Variants in NLRP5 observed in about 807,000 individuals in gnomAD.
NLRP5 encodes NACHT, LRR and PYD domains-containing protein 5.
NLRP5 carries 93 observed loss-of-function variants against 113.1 expected under a neutral mutation model. The observed-to-expected ratio is 0.82, with a 90% CI of 0.70 to 0.98. The LOEUF is 0.98. NLRP5 is among the 50% of genes least tolerant of loss of function. The pLI is 0.00. For synonymous variants in NLRP5, 751 were observed against 600.7 expected (o/e 1.25, Z -3.66); for missense variants, 1,808 against 1,514.3 (o/e 1.19, Z -3.22).
Position 56,041,041 on chromosome 19 carries a change from A to T in NLRP5, c.2906A>T (p.Asn969Ile), listed in dbSNP as rs769649907. The change falls in exon 11 of 15, where the codon AAT becomes ATT. Residue 969 changes from asparagine to isoleucine, a missense_variant. By Grantham distance (149) the Asn-to-Ile change is moderately radical. Coordinates refer to ENST00000390649, the MANE Select transcript of NLRP5 (RefSeq NM_153447.4). ...AACAGCCTGGGGAACGAAGGTGTAA[A>T]TCTACTGTGTCGATCCATGAGGCTT... is the stretch of plus-strand genomic sequence containing the variant. 6 of 1,613,970 alleles carry T rather than the reference A, an allele frequency of 3.7e-6. No homozygotes were observed. In the South Asian group the frequency reaches 4.4e-5, roughly 12 times the overall value.
rs368938322 is a variant in NLRP5 at position 56,061,508 on chromosome 19, C to T, written c.3583C>T (p.Arg1195Trp). 8.0e-5 allele frequency: 129 copies of T among 1,613,868 alleles called. No individual in the cohort carries two copies. The highest frequency in any genetic ancestry group is 2.3e-4 in the Admixed American group (14 of 59,990). ...TTGGCATTCTTTTGATGAAGATGACCGGTACTGGTGGAAAAACTGAAGATA... is the reference window on the plus strand; with the variant it reads ...TTGGCATTCTTTTGATGAAGATGACTGGTACTGGTGGAAAAACTGAAGATA... Residue 1195 changes from arginine to tryptophan, a missense_variant, in exon 15 of 15, where the codon CGG (arginine) becomes TGG (tryptophan). By Grantham distance (101) the Arg-to-Trp change is moderately radical (BLOSUM62 -3). Coordinates refer to ENST00000390649, the MANE Select transcript of NLRP5 (RefSeq NM_153447.4).
intron 9 of NLRP5, among the ~76,000 whole-genome samples, chr19:56,037,693 CA>C (rs11301032): frequency 0.38 from 33,307 of 87,604 alleles, 4,782 homozygotes; most frequent in East Asian, 0.57. Flanking sequence ...GACCCTGTCT[CA>C]AAAAAAAAAA....
intron 8 of NLRP5, among the ~76,000 whole-genome samples, 158 bp from the exon 9 acceptor site, chr19:56,033,384 T>C (rs1231076258): frequency 6.6e-6 from 1 of 152,166 alleles, no homozygotes; most frequent in Admixed American, 6.6e-5. Flanking sequence ...CCATTCCCAG[T>C]AGCTGGCCCA....
At chr19:55,990,370 T>C in the NLRP5 span, among the ~76,000 whole-genome samples, 1 of 151,920 alleles carries the variant, frequency 6.6e-6, no homozygotes, top group Non-Finnish European at 1.5e-5. Context: ...ATTACAAAAG[T>C]CATATGCAGT....
the NLRP5 span, chr19:55,987,948 T>A: frequency 6.0e-6 from 9 of 1,502,782 alleles, no homozygotes; most frequent in Non-Finnish European, 1.9e-6. Flanking sequence ...GCTTGATTGA[T>A]CAGTTCCCAC....
intron 13 of NLRP5, among the ~76,000 whole-genome samples, chr19:56,054,515 A>G (rs1349806563): frequency 2.7e-5 from 4 of 150,082 alleles, no homozygotes; most frequent in Non-Finnish European, 5.9e-5. Context: ...CCGAGACCAC[A>G]CCACTGCACT....
intron 11 of NLRP5, among the ~76,000 whole-genome samples, chr19:56,043,095 G>T (rs1983581026): frequency 6.6e-6 from 1 of 152,004 alleles, no homozygotes; most frequent in African/African-American, 2.4e-5. Context: ...TTCGAATATT[G>T]ACTACTTTTT....
intron 13 of NLRP5, among the ~76,000 whole-genome samples, chr19:56,055,602 G>A (rs1340886231): frequency 1.6e-5 from 2 of 127,668 alleles, no homozygotes; most frequent in Non-Finnish European, 3.1e-5. Flanking sequence ...CTGGAGTGCA[G>A]TGGCGCGATC....
At chr19:56,053,071 T>TG (rs1313031090) in intron 12 of NLRP5, among the ~76,000 whole-genome samples, 2 of 151,808 alleles carry the variant, frequency 1.3e-5, no homozygotes, top group African/African-American at 4.8e-5. Flanking sequence ...CACTCCAGCC[T>TG]GGGCAACAGA....
intron 6 of NLRP5, among the ~76,000 whole-genome samples, chr19:56,024,592 C>G (rs1231826408): frequency 6.6e-6 from 1 of 150,508 alleles, no homozygotes; most frequent in Admixed American, 6.6e-5. Context: ...CATACACACA[C>G]ACACACACAC....
intron 11 of NLRP5, 25 bp from the exon 12 acceptor site, chr19:56,050,393 T>C (rs1983887552): frequency 6.2e-6 from 10 of 1,609,230 alleles, no homozygotes; most frequent in Non-Finnish European, 8.5e-6. Flanking sequence ...ATCACGATCT[T>C]CTTTCCCATG....
rs1983503472 is a variant in NLRP5 at position 56,041,039 on chromosome 19, A to C, written c.2904A>C (p.Val968=). The change falls in exon 11 of 15, where the codon GTA becomes GTC. Residue 968 remains valine, a synonymous_variant. Coordinates refer to ENST00000390649, the MANE Select transcript of NLRP5 (RefSeq NM_153447.4). The stretch of plus-strand genomic sequence containing the variant: ...ACAACAGCCTGGGGAACGAAGGTGT[A>C]AATCTACTGTGTCGATCCATGAGGC... 6.2e-6 allele frequency: 10 copies of C among 1,614,008 alleles called. No homozygotes were observed. Among genetic ancestry groups the C allele is most frequent in the Non-Finnish European group, 8.5e-6 (10 of 1,179,874 alleles).
intron 7 of NLRP5, among the ~76,000 whole-genome samples, chr19:56,029,545 C>T (rs758372116): frequency 6.6e-6 from 1 of 152,102 alleles, no homozygotes; most frequent in Non-Finnish European, 1.5e-5. Context: ...GGATTATAGG[C>T]ATAAGCTGCT....
chr19:56,059,224 C>T (rs373154707), intron 14 of NLRP5, among the ~76,000 whole-genome samples: 2 of 152,166 alleles, frequency 1.3e-5, no homozygotes, highest in African/African-American at 4.8e-5. Context: ...TTTCAGCTTC[C>T]CCTCTCATTC....
chr19:56,011,158 A>ATATATATATATAT (rs1555765000), intron 3 of NLRP5, among the ~76,000 whole-genome samples: 5 of 145,124 alleles, frequency 3.4e-5, no homozygotes, highest in African/African-American at 1.2e-4. Flanking sequence ...GTCTTTAAAA[A>ATATATATATATAT]ATATATATAC....
intron 13 of NLRP5, among the ~76,000 whole-genome samples, chr19:56,055,748 T>C (rs1037087593): frequency 6.6e-6 from 1 of 151,546 alleles, no homozygotes; most frequent in East Asian, 1.9e-4. Flanking sequence ...GGTTTCACCG[T>C]GTTAGCCAGG....
chr19:56,018,070 A>G (rs1038654436), intron 4 of NLRP5, among the ~76,000 whole-genome samples: 4 of 152,216 alleles, frequency 2.6e-5, no homozygotes, highest in African/African-American at 9.7e-5. Context: ...TCTGTGGTGT[A>G]TATACACAAT....
chr19:55,999,576 T>C (rs547314839), upstream of NLRP5: 36 of 661,046 alleles, frequency 5.4e-5, no homozygotes, highest in African/African-American at 5.9e-4. Flanking sequence ...AGGGTTCCCA[T>C]GCATGCTCTG....
intron 3 of NLRP5, among the ~76,000 whole-genome samples, chr19:56,011,456 A>C (rs1282164341): frequency 6.6e-6 from 1 of 152,108 alleles, no homozygotes; most frequent in Non-Finnish European, 1.5e-5. Context: ...ATGATTGCAC[A>C]CTTTCAATGG....
Sources: allele counts gnomAD v4.1 joint callset (sites outside exome capture counted in the v4.1 genomes callset), GRCh38; gene constraint gnomAD v4.1.1; transcripts MANE v1.5; gene names NCBI Gene and HGNC (gene_info 2026-07-23, HGNC 2026-07-21).